Variants in PARP4 observed in about 807,000 individuals in gnomAD.
The protein encoded by PARP4 is poly(ADP-ribose) polymerase family member 4, also known as protein mono-ADP-ribosyltransferase PARP4.
In PARP4, 120 loss-of-function variants were observed where a neutral mutation model predicts 187.7. The observed-to-expected ratio is 0.64, with a 90% confidence interval of 0.55 to 0.74. PARP4 has a LOEUF of 0.74. PARP4 is among the 30% of genes least tolerant of loss of function. The probability of loss-of-function intolerance (pLI) is 0.00; values close to 1 mark genes in which losing one functional copy is unlikely to be tolerated. For missense variants in PARP4, 1,836 were observed against 2,070.5 expected, an observed-to-expected ratio of 0.89 and a Z score of 2.20; for synonymous variants, 654 against 740.9, an observed-to-expected ratio of 0.88 and a Z score of 1.90.
intron 21 of PARP4, among the ~76,000 whole-genome samples, chr13:24,455,662 G>C (rs1871805975): frequency 7.4e-6 from 1 of 134,274 alleles, no homozygotes. Flanking sequence ...CTGTTGTCCA[G>C]GCTGGTATGC....
intron 4 of PARP4, among the ~76,000 whole-genome samples, chr13:24,499,770 TAAAGG>T (rs963852175): frequency 1.3e-5 from 2 of 152,232 alleles, no homozygotes; most frequent in Admixed American, 1.3e-4. Flanking sequence ...CTCTCTAAAA[TAAAGG>T]AGTCAGACTT....
At chr13:24,491,240 C>G (rs1264544882) in intron 9 of PARP4, among the ~76,000 whole-genome samples, 1 of 152,058 alleles carries the variant, frequency 6.6e-6, no homozygotes, top group Non-Finnish European at 1.5e-5. Context: ...CCTGCCTCAG[C>G]CTCCTAAGTA....
chr13:24,505,453 CAAG>C (rs2137550699), intron 1 of PARP4, among the ~76,000 whole-genome samples: 1 of 152,212 alleles, frequency 6.6e-6, no homozygotes, highest in South Asian at 2.1e-4. Context: ...GACGTTTGCC[CAAG>C]AAGTCATGAG....
At chr13:24,422,417 C>G (rs1189272119) in intron 33 of PARP4, among the ~76,000 whole-genome samples, 3 of 152,184 alleles carry the variant, frequency 2.0e-5, no homozygotes, top group Admixed American at 6.5e-5. Context: ...TAGTTACTAA[C>G]TGCTGAAAAC....
intron 25 of PARP4, among the ~76,000 whole-genome samples, chr13:24,448,456 G>A (rs140710219): frequency 3.4e-5 from 5 of 148,548 alleles, no homozygotes; most frequent in Admixed American, 6.7e-5. Context: ...AATCAATAAG[G>A]AAAAAAAAAA....
chr13:24,446,898 C>T, intron 26 of PARP4, 118 bp downstream of exon 26: 1 of 1,414,632 alleles, frequency 7.1e-7, no homozygotes, highest in Non-Finnish European at 9.6e-7. Flanking sequence ...GGCTAACCAC[C>T]AGCTGTGTTC....
At chr13:24,498,592 A>G (rs61946869) in intron 5 of PARP4, among the ~76,000 whole-genome samples, 19,452 of 152,136 alleles carry the variant, frequency 0.13, 1,487 homozygotes, top group Middle Eastern at 0.29. Context: ...GTGTCGATTT[A>G]TATCTATATA....
At chr13:24,503,818 A>G (rs1869450317) in intron 1 of PARP4, 41 bp from the exon 2 acceptor site, 4 of 1,556,944 alleles carry the variant, frequency 2.6e-6, no homozygotes, top group East Asian at 4.5e-5. Flanking sequence ...TCTTAAGTCA[A>G]TATGACAGTG....
intron 33 of PARP4, among the ~76,000 whole-genome samples, chr13:24,425,575 C>G (rs9511250): frequency 0.011 from 726 of 66,564 alleles, 5 homozygotes; most frequent in African/African-American, 0.026. Flanking sequence ...GTGTGTATAT[C>G]TATATCTATA....
chr13:24,486,132 C>T (rs1393408360), intron 11 of PARP4, 36 bp downstream of exon 11: 1 of 1,569,828 alleles, frequency 6.4e-7, no homozygotes, highest in Non-Finnish European at 8.6e-7. Flanking sequence ...ATTTGTGAGC[C>T]TGAAATTTTT....
intron 33 of PARP4, among the ~76,000 whole-genome samples, chr13:24,425,129 CCTT>C (rs1869959920): frequency 6.6e-6 from 1 of 152,154 alleles, no homozygotes; most frequent in Admixed American, 6.5e-5. Flanking sequence ...TGGCAAAGCC[CCTT>C]CTTTACAAAA....
At chr13:24,503,015 G>C (rs899101953) in intron 2 of PARP4, among the ~76,000 whole-genome samples, 1 of 152,224 alleles carries the variant, frequency 6.6e-6, no homozygotes, top group Non-Finnish European at 1.5e-5. Context: ...CTGGCACCTA[G>C]AGCCTTTGGA....
At chr13:24,494,502 A>T (rs1868833569) in intron 7 of PARP4, 71 bp downstream of exon 7, 1 of 1,394,852 alleles carries the variant, frequency 7.2e-7, no homozygotes, top group Non-Finnish European at 9.9e-7. Flanking sequence ...CCAGTCTTTT[A>T]TTTGTAATAG....
rs181928907 is a variant in PARP4, at chr13:24,474,218, T to C, written c.1914+1254A>G. Among the ~76,000 whole-genome samples the C allele has an allele frequency of 1.8e-4, 27 of 152,264 alleles. 1 individual carries two copies. The highest frequency in any genetic ancestry group is 3.4e-3 in the Middle Eastern group (1 of 294). ...GTCCCGTCCCCACCAGCAAATCTGATTGGCTCTGCTCTCAGGCCTTGGCGG... is the reference window on the plus strand; with the variant it reads ...GTCCCGTCCCCACCAGCAAATCTGACTGGCTCTGCTCTCAGGCCTTGGCGG... On this transcript the variant is annotated intron_variant, in intron 15 of 33. Coordinates refer to ENST00000381989, the MANE Select transcript of PARP4 (RefSeq NM_006437.4).
rs111226919 is a variant in PARP4 at position 24,468,259 on chromosome 13, C to T, written c.2133+765G>A. On this transcript the variant is annotated intron_variant, in intron 17 of 33. Transcript: ENST00000381989. ...GCTATTCCCTCTTCCACACTGTCCA[C>T]GTCACGTCCCTGCTAAAGCTAATCA... is the stretch of plus-strand genomic sequence containing the variant. Among the ~76,000 whole-genome samples, 190 of 152,300 alleles carry T rather than the reference C, an allele frequency of 1.2e-3. 1 individual carries two copies. Among genetic ancestry groups the T allele is most frequent in the African/African-American group, 4.4e-3 (183 of 41,556 alleles).
At position 24,469,933 on chromosome 13, in the gene PARP4, G is replaced by A. The variant is rs767879736; in HGVS notation, c.2007C>T (p.Gly669=). The A allele has an allele frequency of 2.0e-5, 32 of 1,613,780 alleles. No individual in the cohort carries two copies. Among genetic ancestry groups the A allele is most frequent in the South Asian group, 1.9e-4 (17 of 91,052 alleles). The change falls in exon 16 of 34, where the codon GGC becomes GGT. Residue 669 remains glycine, a synonymous_variant. Transcript: ENST00000381989. ...GCTTCCCATTGATGAAGGCTTCGAA[G>A]CCACACACAGCGGCCTTGTCATCCA... ...FPLDDKAAVC[G]FEAFINGKHI...
chr13:24,480,198 T>C (rs1199978126), intron 12 of PARP4, among the ~76,000 whole-genome samples: 1 of 152,220 alleles, frequency 6.6e-6, no homozygotes, highest in Non-Finnish European at 1.5e-5. Context: ...ACTATTGCAA[T>C]TGTTTTGGGC....
chr13:24,466,380 C>T (rs12431171), intron 17 of PARP4, among the ~76,000 whole-genome samples: 77,313 of 151,802 alleles, frequency 0.51, 19,996 homozygotes, highest in South Asian at 0.65. Flanking sequence ...TGGGGTTTCA[C>T]CATGTTGCCC....
intron 3 of PARP4, among the ~76,000 whole-genome samples, 173 bp from the exon 4 acceptor site, chr13:24,500,555 G>C (rs1243380076): frequency 6.6e-6 from 1 of 152,196 alleles, no homozygotes; most frequent in Non-Finnish European, 1.5e-5. Flanking sequence ...TTATAAAATA[G>C]GGAGAACATA....
Sources: gnomAD v4.1 joint callset for allele counts (sites outside exome capture counted in the v4.1 genomes callset) on GRCh38, gnomAD v4.1.1 for gene constraint, MANE v1.5 for transcripts, NCBI Gene and HGNC (gene_info 2026-07-23, HGNC 2026-07-21) for gene names.